The following RIMS2 variants were observed in gnomAD, a reference collection of about 807,000 sequenced individuals.
The protein encoded by RIMS2 is regulating synaptic membrane exocytosis 2, also known as regulating synaptic membrane exocytosis protein 2.
Under a neutral mutation model 174.4 loss-of-function variants are expected in RIMS2, and 59 were observed. That is an observed-to-expected ratio of 0.34 (90% confidence interval 0.27 to 0.42). RIMS2 has a LOEUF of 0.42. Ranked by LOEUF, RIMS2 falls within the 10% of genes least tolerant of loss-of-function variation. The pLI is 1.00. For missense variants in RIMS2, 1,620 were observed against 1,666.3 expected, an observed-to-expected ratio of 0.97 and a Z score of 0.48; for synonymous variants, 606 against 572.5, an observed-to-expected ratio of 1.06 and a Z score of -0.84.
At chr8:103,962,567 A>T (rs2090486962) in intron 15 of RIMS2, among the ~76,000 whole-genome samples, 1 of 152,156 alleles carries the variant, frequency 6.6e-6, no homozygotes, top group African/African-American at 2.4e-5. Flanking sequence ...ATCCAATGCG[A>T]TTTTGAGAAA....
intron 12 of RIMS2, among the ~76,000 whole-genome samples, chr8:103,935,507 A>G (rs1016186074): frequency 6.6e-6 from 1 of 152,148 alleles, no homozygotes; most frequent in African/African-American, 2.4e-5. Flanking sequence ...AAACAGTTCT[A>G]CCCCTTCTTT....
chr8:103,858,973 A>G (rs1176502558), intron 3 of RIMS2, among the ~76,000 whole-genome samples: 1 of 152,102 alleles, frequency 6.6e-6, no homozygotes, highest in African/African-American at 2.4e-5. Context: ...ATAGCAATAG[A>G]TATAGATAAT....
chr8:103,966,536 C>T (rs1176006400), intron 15 of RIMS2, among the ~76,000 whole-genome samples: 1 of 152,016 alleles, frequency 6.6e-6, no homozygotes, highest in Non-Finnish European at 1.5e-5. Flanking sequence ...TGTCTAGAGG[C>T]TAATTTGTTC....
chr8:104,130,027 C>T (rs532727060), intron 19 of RIMS2, among the ~76,000 whole-genome samples: 33 of 152,160 alleles, frequency 2.2e-4, no homozygotes, highest in East Asian at 3.9e-4. Context: ...ACTATCCTTA[C>T]GTTACTAGGA....
At chr8:103,739,968 T>G (rs1266726143) in intron 2 of RIMS2, among the ~76,000 whole-genome samples, 1 of 152,156 alleles carries the variant, frequency 6.6e-6, no homozygotes. Flanking sequence ...TTTTATTATA[T>G]TGGATGGTGG....
intron 1 of RIMS2, among the ~76,000 whole-genome samples, chr8:103,644,120 T>C (rs2096281104): frequency 6.6e-6 from 1 of 151,770 alleles, no homozygotes; most frequent in South Asian, 2.1e-4. Flanking sequence ...TATGCAAGTG[T>C]GTTGGCACCC....
chr8:103,619,852 T>G (rs779691384), intron 1 of RIMS2, among the ~76,000 whole-genome samples: 1 of 152,148 alleles, frequency 6.6e-6, no homozygotes, highest in Non-Finnish European at 1.5e-5. Context: ...CTATGTATTT[T>G]TCTGCTACAA....
At chr8:104,213,499 C>T (rs916203797) in intron 19 of RIMS2, among the ~76,000 whole-genome samples, 1 of 152,090 alleles carries the variant, frequency 6.6e-6, no homozygotes, top group East Asian at 1.9e-4. Context: ...CAGTCATTCC[C>T]GTTTGCTCAT....
At chr8:104,088,915 T>C (rs1451752720) in intron 19 of RIMS2, among the ~76,000 whole-genome samples, 4 of 152,048 alleles carry the variant, frequency 2.6e-5, no homozygotes, top group Admixed American at 2.6e-4. Context: ...ATGTTAGATA[T>C]ATAGGAAGAA....
intron 19 of RIMS2, among the ~76,000 whole-genome samples, chr8:104,106,477 G>A (rs1234343919): frequency 1.3e-5 from 2 of 151,342 alleles, no homozygotes; most frequent in African/African-American, 4.9e-5. Context: ...TTGTTTTATG[G>A]CATTACTACT....
chr8:103,780,547 A>T lies in RIMS2; in HGVS notation c.698+14010A>T, dbSNP rs192736902. On this transcript the variant is annotated intron_variant, in intron 3 of 23. Transcript: ENST00000504942. ...TTGAGAGCCTCTAATGATTTTTTTC[A>T]GTTCAGCCAATGTATTTCTCAGTTG... Among the ~76,000 whole-genome samples, 4 of 151,958 alleles carry T rather than the reference A, an allele frequency of 2.6e-5. No homozygotes were observed. In the East Asian group the frequency reaches 5.8e-4, roughly 22 times the overall value.
intron 17 of RIMS2, among the ~76,000 whole-genome samples, chr8:104,007,862 C>A (rs2154553085): frequency 6.6e-6 from 1 of 152,240 alleles, no homozygotes; most frequent in East Asian, 1.9e-4. Flanking sequence ...CTTCAGACTG[C>A]TACATCTGAG....
intron 19 of RIMS2, among the ~76,000 whole-genome samples, chr8:104,186,390 T>G (rs1161016967): frequency 6.6e-6 from 1 of 151,812 alleles, no homozygotes; most frequent in Non-Finnish European, 1.5e-5. Context: ...AAGAAACCTC[T>G]GAATGATGTA....
exon 4 of RIMS2, chr8:103,885,428 C>A: frequency 6.2e-7 from 1 of 1,609,712 alleles, no homozygotes. Context: ...TGCTGATAGG[C>A]GATCTCAACA....
intron 13 of RIMS2, among the ~76,000 whole-genome samples, chr8:103,940,258 G>A (rs1033690164): frequency 2.0e-5 from 3 of 152,158 alleles, no homozygotes; most frequent in Non-Finnish European, 4.4e-5. Flanking sequence ...AAGGCAAGGA[G>A]GAGCAAGTCA....
chr8:103,570,828 G>C (rs1187919201), intron 1 of RIMS2, among the ~76,000 whole-genome samples: 1 of 152,050 alleles, frequency 6.6e-6, no homozygotes, highest in African/African-American at 2.4e-5. Context: ...TTAATAAGTA[G>C]GGAGAACTCA....
chr8:103,864,169 G>T (rs2099073805), intron 3 of RIMS2, among the ~76,000 whole-genome samples: 1 of 151,644 alleles, frequency 6.6e-6, no homozygotes, highest in African/African-American at 2.4e-5. Flanking sequence ...TGTGTTTTTT[G>T]TCTCAGTTTC....
At chr8:104,048,641 TTAAA>T (rs1566026336) in intron 19 of RIMS2, among the ~76,000 whole-genome samples, 1 of 152,162 alleles carries the variant, frequency 6.6e-6, no homozygotes, top group Non-Finnish European at 1.5e-5. Context: ...ACAATGAATA[TTAAA>T]TAATGGGGCA....
At chr8:103,610,372 A>G (rs1365213973) in intron 1 of RIMS2, among the ~76,000 whole-genome samples, 2 of 152,090 alleles carry the variant, frequency 1.3e-5, no homozygotes, top group African/African-American at 4.8e-5. Flanking sequence ...ACTTTGTTGA[A>G]TAGGAGTGGT....
Sources: allele counts gnomAD v4.1 joint callset (sites outside exome capture counted in the v4.1 genomes callset), GRCh38; gene constraint gnomAD v4.1.1; transcripts MANE v1.5; gene names NCBI Gene and HGNC (gene_info 2026-07-23, HGNC 2026-07-21).